Variants in ARHGEF4 observed in about 807,000 individuals in gnomAD.
ARHGEF4 encodes the protein APC-stimulated guanine nucleotide exchange factor 1.
Under a neutral mutation model 162.0 loss-of-function variants are expected in ARHGEF4, and 119 were observed. The ratio of observed to expected loss-of-function variants is 0.73; its 90% CI spans 0.63 to 0.86. ARHGEF4 has a LOEUF of 0.86. Among genes scored for constraint, ARHGEF4 ranks in the 40% least tolerant of loss-of-function variants. The pLI, the probability that ARHGEF4 is intolerant of heterozygous loss-of-function variation, is 0.00. For synonymous variants in ARHGEF4, 1,014 were observed against 979.9 expected (o/e 1.03, Z -0.65); for missense variants, 2,488 against 2,456.0 (o/e 1.01, Z -0.28).
chr2:130,992,958 T>A (rs1319431696), intron 4 of ARHGEF4, among the ~76,000 whole-genome samples: 1 of 152,112 alleles, frequency 6.6e-6, no homozygotes, highest in Non-Finnish European at 1.5e-5. Context: ...ATTGTGCACA[T>A]CTGTAATCCC....
chr2:130,911,308 G>A (rs1255968303), intron 1 of ARHGEF4, among the ~76,000 whole-genome samples: 3 of 152,194 alleles, frequency 2.0e-5, no homozygotes, highest in Non-Finnish European at 4.4e-5. Flanking sequence ...CAGTTGGGAA[G>A]TGCCAGGCCT....
intron 3 of ARHGEF4, among the ~76,000 whole-genome samples, chr2:130,942,307 G>A (rs4241179): frequency 0.58 from 87,364 of 150,994 alleles, 29,518 homozygotes; most frequent in East Asian, 0.84. Flanking sequence ...CCGCCACCAC[G>A]CCCGGCTAAT....
At chr2:130,899,714 G>T (rs1379067642) in intron 1 of ARHGEF4, among the ~76,000 whole-genome samples, 1 of 152,168 alleles carries the variant, frequency 6.6e-6, no homozygotes, top group African/African-American at 2.4e-5. Context: ...GGTGGAAGAG[G>T]GTGATGGCTT....
chr2:130,868,694 T>G (rs1682472971), intron 1 of ARHGEF4, among the ~76,000 whole-genome samples: 2 of 152,186 alleles, frequency 1.3e-5, no homozygotes, highest in African/African-American at 4.8e-5. Flanking sequence ...GGGGAAAGTA[T>G]GACTTTCCTG....
intron 1 of ARHGEF4, among the ~76,000 whole-genome samples, chr2:130,871,773 A>G (rs1029985802): frequency 6.6e-6 from 1 of 152,092 alleles, no homozygotes; most frequent in Non-Finnish European, 1.5e-5. Context: ...ACTCTCCCCT[A>G]CACTGGAGAC....
intron 4 of ARHGEF4, among the ~76,000 whole-genome samples, chr2:131,007,800 C>CTTTTTTTTTT (rs70994731): frequency 0.03 from 1,653 of 55,950 alleles, 83 homozygotes; most frequent in Middle Eastern, 0.1. Context: ...CTTTTCTTTT[C>CTTTTTTTTTT]TTTTTTTTTT....
intron 2 of ARHGEF4, among the ~76,000 whole-genome samples, chr2:130,918,208 A>G (rs569934745): frequency 2.0e-5 from 3 of 152,210 alleles, no homozygotes; most frequent in Non-Finnish European, 2.9e-5. Context: ...TATCGTATTT[A>G]GAATTTGATC....
chr2:130,845,605 G>A (rs1250950603), intron 1 of ARHGEF4, among the ~76,000 whole-genome samples: 1 of 152,022 alleles, frequency 6.6e-6, no homozygotes, highest in African/African-American at 2.4e-5. Context: ...CCTAGAAAGT[G>A]TGTTTTTACA....
In ARHGEF4 at chr2:130,913,104, A is replaced by T. The variant is rs1024752875; in HGVS notation, c.40-882A>T. Among the ~76,000 whole-genome samples, 4 of 152,266 alleles carry T rather than the reference A, an allele frequency of 2.6e-5. No homozygotes were observed. The Middle Eastern group carries it at 0.01, about 388-fold the overall frequency. On this transcript the variant is annotated intron_variant, in intron 1 of 13. Coordinates refer to ENST00000409359, the MANE Select transcript of ARHGEF4 (RefSeq NM_001367493.1). ...AGGCATCGGCTGGGGGTCTTGGAAC[A>T]TATCCCCTGTGGATAAGGGTGGCTA...
At chr2:130,912,550 T>G (rs1681249060) in intron 1 of ARHGEF4, among the ~76,000 whole-genome samples, 2 of 152,234 alleles carry the variant, frequency 1.3e-5, no homozygotes, top group Admixed American at 1.3e-4. Context: ...AATTTTACTT[T>G]GAGAAAGCTC....
intron 1 of ARHGEF4, among the ~76,000 whole-genome samples, chr2:130,913,514 T>TTTG (rs1020208990): frequency 1.7e-4 from 26 of 152,332 alleles, no homozygotes; most frequent in Non-Finnish European, 3.1e-4. Flanking sequence ...TTTGTGTTTT[T>TTTG]TTGTTGTTGT....
At chr2:130,910,939 T>G (rs1681142938) in intron 1 of ARHGEF4, among the ~76,000 whole-genome samples, 2 of 152,062 alleles carry the variant, frequency 1.3e-5, no homozygotes, top group African/African-American at 4.8e-5. Context: ...AAACTAGTGG[T>G]TTTTAGAAGG....
chr2:131,003,393 T>C (rs1687906986), intron 4 of ARHGEF4, among the ~76,000 whole-genome samples: 1 of 152,262 alleles, frequency 6.6e-6, no homozygotes, highest in African/African-American at 2.4e-5. Context: ...TTCTTCCTTC[T>C]TGATCGTGAC....
chr2:130,919,508 G>T (rs575726287), intron 2 of ARHGEF4, among the ~76,000 whole-genome samples: 14 of 152,266 alleles, frequency 9.2e-5, no homozygotes, highest in African/African-American at 3.4e-4. Context: ...AGACATTTTA[G>T]TGTTAGGCAA....
Position 131,038,771 on chromosome 2 carries a change from C to G in ARHGEF4, c.4126-82C>G. On this transcript the variant is annotated intron_variant, in intron 5 of 13. Transcript: ENST00000409359. ...AAGTCAGGATCCCCTCTTCCCAGGG[C>G]TGCTGAGGGAGTGGAGACAGAGAGC... is the stretch of plus-strand genomic sequence containing the variant. 6 of 1,449,948 alleles carry G rather than the reference C, an allele frequency of 4.1e-6. No individual in the cohort carries two copies. The Admixed American group carries it at 1.1e-4, about 26-fold the overall frequency. 89.8% of individuals were successfully genotyped at this position (1,449,948 alleles called of 1,614,324 possible). A position where few individuals can be genotyped will look rare whatever the true frequency, so the allele number is the denominator to read the frequency against.
chr2:130,925,497 T>G (rs1042656945), intron 2 of ARHGEF4, among the ~76,000 whole-genome samples: 1 of 152,266 alleles, frequency 6.6e-6, no homozygotes. Context: ...TTAGCCATTA[T>G]TTAAGGGTAG....
At chr2:130,930,918 C>T (rs773327005) in intron 2 of ARHGEF4, 34 bp from the exon 3 acceptor site, 1 of 1,570,320 alleles carries the variant, frequency 6.4e-7, no homozygotes. Context: ...GTCCTTTGAC[C>T]TCTGACCCCT....
intron 5 of ARHGEF4, chr2:131,035,560 TC>T: frequency 1.5e-6 from 1 of 684,078 alleles, no homozygotes; most frequent in African/African-American, 1.9e-5. Context: ...CAGCTGGGGC[TC>T]CCCGGCTGCT....
intron 1 of ARHGEF4, among the ~76,000 whole-genome samples, chr2:130,899,730 G>A (rs754641025): frequency 1.3e-5 from 2 of 152,134 alleles, no homozygotes; most frequent in African/African-American, 4.8e-5. Flanking sequence ...GGCTTGAAAC[G>A]CAGAAGCAGC....
Sources: allele counts gnomAD v4.1 joint callset (sites outside exome capture counted in the v4.1 genomes callset), GRCh38; gene constraint gnomAD v4.1.1; transcripts MANE v1.5; gene names NCBI Gene and HGNC (gene_info 2026-07-23, HGNC 2026-07-21).